SIL1: variants seen among roughly 807,000 people sequenced by gnomAD.
SIL1 encodes the protein nucleotide exchange factor SIL1.
A neutral mutation model predicts 49.1 loss-of-function variants in SIL1; 40 were observed. That is an observed-to-expected ratio of 0.81 (90% CI 0.63 to 1.06). The LOEUF is 1.06. Ranked by LOEUF, SIL1 falls within the 50% of genes least tolerant of loss-of-function variation. The pLI is 0.00. For missense variants in SIL1, 500 were observed against 572.6 expected (o/e 0.87, Z 1.29); for synonymous variants, 253 against 250.8 (o/e 1.01, Z -0.08).
At chr5:139,124,957 T>C (rs190499276) in intron 2 of SIL1, among the ~76,000 whole-genome samples, 7 of 152,368 alleles carry the variant, frequency 4.6e-5, no homozygotes, top group Non-Finnish European at 8.8e-5. Context: ...ACTGCTATGA[T>C]TCTTTCTTGG....
chr5:139,013,700 A>G (rs1031326476), intron 7 of SIL1: 1 of 152,258 alleles, frequency 6.6e-6, no homozygotes, highest in Non-Finnish European at 1.5e-5. Context: ...ATTTAATACA[A>G]CATCTTCAGG....
At chr5:139,196,599 GC>G (rs1752278464) in intron 1 of SIL1, 1 of 152,234 alleles carries the variant, frequency 6.6e-6, no homozygotes, top group Non-Finnish European at 1.5e-5. Context: ...TTCCTGGACT[GC>G]CGCATCCCTA....
rs566442051 is a variant in SIL1 at position 139,161,184 on chromosome 5, G to A, written c.-10-33331C>T. Among the ~76,000 whole-genome samples the A allele has an allele frequency of 2.6e-5, 4 of 152,244 alleles. No individual in the cohort carries two copies. In the South Asian group the frequency reaches 6.2e-4, roughly 24 times the overall value. On this transcript the variant is annotated intron_variant, in intron 1 of 9. Coordinates refer to ENST00000394817, the MANE Select transcript of SIL1 (RefSeq NM_022464.5). ...CTTGAACCTGGGAGGCAGAGGTTGC[G>A]ATGAACTGAGATCGCGCCATTGCAC...
intron 5 of SIL1, among the ~76,000 whole-genome samples, chr5:139,030,265 A>C (rs1658666029): frequency 6.6e-6 from 1 of 152,010 alleles, no homozygotes; most frequent in South Asian, 2.1e-4. Context: ...AGGAGTTCAA[A>C]ACCAGCCTGG....
intron 1 of SIL1, among the ~76,000 whole-genome samples, chr5:139,191,764 G>A (rs747661711): frequency 4.9e-4 from 74 of 151,952 alleles, no homozygotes; most frequent in Non-Finnish European, 3.5e-4. Context: ...ATACTCCAGC[G>A]TGGGCAACAG....
intron 7 of SIL1, among the ~76,000 whole-genome samples, chr5:138,994,434 T>TTA (rs1767820620): frequency 6.6e-6 from 1 of 152,076 alleles, no homozygotes. Context: ...ATGGAAAAAA[T>TTA]TATGATGTTT....
Position 138,983,234 on chromosome 5 carries a change from C to T in SIL1, c.768-31350G>A, listed in dbSNP as rs1191680199. Reference sequence around the variant, plus strand: ...AAAAAAAAAAAAAAAAAAGGCCGGGCGCGGTGGCTCACACCTGTCATCCCA... The same window carrying T: ...AAAAAAAAAAAAAAAAAAGGCCGGGTGCGGTGGCTCACACCTGTCATCCCA... On this transcript the variant is annotated intron_variant, in intron 7 of 9. Transcript: ENST00000394817. Among the ~76,000 whole-genome samples, 12 of 139,340 alleles carry T rather than the reference C, an allele frequency of 8.6e-5. 1 individual carries two copies. Among genetic ancestry groups the T allele is most frequent in the African/African-American group, 2.7e-4 (10 of 37,020 alleles). 91.4% of individuals were successfully genotyped at this position (139,340 alleles called of 152,430 possible).
At chr5:139,119,533 G>C (rs1750561773) in intron 3 of SIL1, among the ~76,000 whole-genome samples, 1 of 152,210 alleles carries the variant, frequency 6.6e-6, no homozygotes, top group Non-Finnish European at 1.5e-5. Flanking sequence ...GGCTGAGGCA[G>C]GTGGATTGCT....
At chr5:139,060,144 C>T (rs1769551717) in intron 3 of SIL1, among the ~76,000 whole-genome samples, 1 of 152,148 alleles carries the variant, frequency 6.6e-6, no homozygotes, top group Non-Finnish European at 1.5e-5. Flanking sequence ...TTTTATGGCT[C>T]CTGCCCCTCC....
At chr5:139,099,364 T>C (rs1428613736) in intron 3 of SIL1, among the ~76,000 whole-genome samples, 5 of 152,182 alleles carry the variant, frequency 3.3e-5, no homozygotes, top group African/African-American at 9.6e-5. Context: ...TGGAGAATAA[T>C]TGGAAGTTCC....
intron 1 of SIL1, among the ~76,000 whole-genome samples, chr5:139,152,218 A>C (rs1319450158): frequency 6.6e-6 from 1 of 152,242 alleles, no homozygotes; most frequent in Admixed American, 6.5e-5. Context: ...TCCTATGCTC[A>C]GACAGTGATT....
intron 2 of SIL1, among the ~76,000 whole-genome samples, chr5:139,126,815 C>T (rs141527341): frequency 6.6e-6 from 1 of 152,246 alleles, no homozygotes; most frequent in Non-Finnish European, 1.5e-5. Flanking sequence ...TTATTAAATT[C>T]ATCACAATTG....
intron 3 of SIL1, among the ~76,000 whole-genome samples, chr5:139,079,459 C>G (rs1312284497): frequency 6.6e-6 from 1 of 152,098 alleles, no homozygotes. Flanking sequence ...CTCCCTGAAA[C>G]AAAAAAGCTC....
chr5:139,016,816 A>G (rs1021117580), intron 7 of SIL1: 2 of 152,050 alleles, frequency 1.3e-5, no homozygotes, highest in Non-Finnish European at 2.9e-5. Context: ...TTTAATGCCC[A>G]TGTGCACTCA....
intron 3 of SIL1, among the ~76,000 whole-genome samples, chr5:139,082,958 G>C (rs1017473688): frequency 3.9e-5 from 6 of 152,236 alleles, no homozygotes; most frequent in African/African-American, 1.4e-4. Context: ...ATACCCAGGA[G>C]AGAGCAGGCC....
At chr5:139,090,525 C>A (rs1334401238) in intron 3 of SIL1, among the ~76,000 whole-genome samples, 1 of 152,126 alleles carries the variant, frequency 6.6e-6, no homozygotes, top group South Asian at 2.1e-4. Context: ...ACAGAATTAC[C>A]AATGAAGCAG....
rs1280746981 is a variant in SIL1 at position 139,117,232 on chromosome 5, A to C, written c.244+3803T>G. Among the ~76,000 whole-genome samples, 4 of 152,176 alleles carry C rather than the reference A, an allele frequency of 2.6e-5. No individual in the cohort carries two copies. The East Asian group carries it at 7.7e-4, about 29-fold the overall frequency. ...GCAGGGGTCACGTCCTTTTTGCTAC[A>C]CAAGAAGATAGTATGGCACAGTGGT... On this transcript the variant is annotated intron_variant, in intron 3 of 9. Transcript: ENST00000394817.
chr5:139,089,713 G>A (rs1331037210), intron 3 of SIL1, among the ~76,000 whole-genome samples: 1 of 152,186 alleles, frequency 6.6e-6, no homozygotes, highest in Non-Finnish European at 1.5e-5. Flanking sequence ...AAAAACTCAT[G>A]TATGTATGAC....
At chr5:139,089,908 A>G (rs1011361398) in intron 3 of SIL1, among the ~76,000 whole-genome samples, 8 of 152,244 alleles carry the variant, frequency 5.3e-5, no homozygotes, top group Non-Finnish European at 1.2e-4. Context: ...TAATGAATGT[A>G]CTAAATACCA....
Sources: gnomAD v4.1 joint callset for allele counts (sites outside exome capture counted in the v4.1 genomes callset) on GRCh38, gnomAD v4.1.1 for gene constraint, MANE v1.5 for transcripts, NCBI Gene and HGNC (gene_info 2026-07-23, HGNC 2026-07-21) for gene names.